Variants in PRH1 observed in about 807,000 individuals in gnomAD.
PRH1 encodes the protein proline rich protein HaeIII subfamily 1, also known as salivary acidic proline-rich phosphoprotein 1/2.
A neutral mutation model predicts 7.9 loss-of-function variants in PRH1; 7 were observed. That is an observed-to-expected ratio of 0.89 (90% CI 0.50 to 1.67). The LOEUF (loss-of-function observed/expected upper bound fraction) is 1.67, where lower values mean the gene tolerates loss of function less well. Among genes scored for constraint, PRH1 ranks in the 40% most tolerant of loss-of-function variants. The pLI is 0.00. For missense variants in PRH1, 109 were observed against 223.6 expected, an observed-to-expected ratio of 0.49 and a Z score of 3.27; for synonymous variants, 45 against 80.8, an observed-to-expected ratio of 0.56 and a Z score of 2.38.
At chr12:11,049,840 C>T (rs1271364826), upstream of PRH1, among the ~76,000 whole-genome samples, 1 of 152,156 alleles carries the variant, frequency 6.6e-6, no homozygotes, top group Non-Finnish European at 1.5e-5. Flanking sequence ...GCCAATACAC[C>T]TTAAAATCTG....
At chr12:11,006,837 T>C (rs1385616117) in intron 1 of PRH1, among the ~76,000 whole-genome samples, 2 of 152,072 alleles carry the variant, frequency 1.3e-5, no homozygotes, top group East Asian at 3.9e-4. Context: ...TTATGGAAAA[T>C]TTTCTTATTC....
At chr12:11,066,496 C>T in intron 1 of PRH1, among the ~76,000 whole-genome samples, 1 of 151,838 alleles carries the variant, frequency 6.6e-6, no homozygotes, top group Non-Finnish European at 1.5e-5. Flanking sequence ...TACTTAATTT[C>T]TAAATCTACA....
chr12:10,935,813 A>G (rs1950279114), intron 2 of PRH1, among the ~76,000 whole-genome samples: 1 of 152,188 alleles, frequency 6.6e-6, no homozygotes, highest in Non-Finnish European at 1.5e-5. Flanking sequence ...AATGTTGTCT[A>G]TATGATCCTC....
chr12:11,144,487 A>T (rs752696905), intron 1 of PRH1, among the ~76,000 whole-genome samples: 6 of 152,070 alleles, frequency 3.9e-5, no homozygotes, highest in Non-Finnish European at 7.4e-5. Context: ...AGAGGGCAAA[A>T]TGGGCTTGAA....
rs1018958549 is a variant in PRH1, at chr12:10,959,316, A to T, written c.-59+14339T>A. ...GTTCCTGTTAGGCATCCAAATGAAG[A>T]TGTCAAATAGTCTATTAGAGAAAGG... On this transcript the variant is annotated intron_variant, in intron 2 of 3. Transcript: ENST00000539853. Among the ~76,000 whole-genome samples, 10 of 130,460 alleles carry T rather than the reference A, an allele frequency of 7.7e-5. No homozygotes were observed. In the Admixed American group the frequency reaches 8.3e-4, roughly 11 times the overall value. 85.6% of individuals were successfully genotyped at this position (130,460 alleles called of 152,430 possible). A position where few individuals can be genotyped will look rare whatever the true frequency, so the allele number is the denominator to read the frequency against.
intron 1 of PRH1, among the ~76,000 whole-genome samples, chr12:11,092,921 T>C (rs1197623635): frequency 8.7e-6 from 1 of 114,882 alleles, no homozygotes; most frequent in Non-Finnish European, 2.1e-5. Context: ...CAATGATCTC[T>C]TTATGGAAAA....
intron 2 of PRH1, among the ~76,000 whole-genome samples, chr12:10,927,583 A>C (rs1950140642): frequency 6.6e-6 from 1 of 152,200 alleles, no homozygotes; most frequent in East Asian, 1.9e-4. Flanking sequence ...TTATGAGAAC[A>C]TTGTTGTCTG....
At chr12:10,895,597 G>A (rs1949633442) in intron 2 of PRH1, 1 of 152,130 alleles carries the variant, frequency 6.6e-6, no homozygotes, top group African/African-American at 2.4e-5. Flanking sequence ...AGGACAGGCA[G>A]AAATAGCTGG....
At chr12:11,168,204 A>C (rs549203280) in intron 1 of PRH1, among the ~76,000 whole-genome samples, 29 of 42,288 alleles carry the variant, frequency 6.9e-4, no homozygotes, top group African/African-American at 1.1e-3. Flanking sequence ...AAAAAACGAA[A>C]GAAAGAAAGA....
chr12:11,035,281 G>T (rs1197793150), intron 1 of PRH1, among the ~76,000 whole-genome samples: 1 of 143,362 alleles, frequency 7.0e-6, no homozygotes. Context: ...GGGAACTGCA[G>T]AAGTATGTTA....
chr12:11,154,668 T>C (rs1947200821), intron 1 of PRH1, among the ~76,000 whole-genome samples: 1 of 152,224 alleles, frequency 6.6e-6, no homozygotes, highest in East Asian at 1.9e-4. Context: ...CTGAAAAGTC[T>C]GTCTAGGCAT....
intron 1 of PRH1, among the ~76,000 whole-genome samples, chr12:11,156,243 C>T (rs1200228194): frequency 6.6e-6 from 1 of 152,024 alleles, no homozygotes; most frequent in Non-Finnish European, 1.5e-5. Context: ...GTCATTCAAA[C>T]AGTTGATCCT....
At chr12:11,047,225 C>T (rs374363459), upstream of PRH1, 13 of 329,544 alleles carry the variant, frequency 3.9e-5, no homozygotes, top group East Asian at 7.5e-4. Flanking sequence ...GAAAGAGATG[C>T]TTGAGGAGCC....
At chr12:10,944,613 C>T (rs1950457137) in intron 2 of PRH1, among the ~76,000 whole-genome samples, 1 of 152,134 alleles carries the variant, frequency 6.6e-6, no homozygotes, top group Non-Finnish European at 1.5e-5. Flanking sequence ...GAAATGGTGA[C>T]AGAGGGAATC....
intron 2 of PRH1, among the ~76,000 whole-genome samples, chr12:10,958,368 C>T (rs753936246): frequency 3.3e-5 from 5 of 151,944 alleles, no homozygotes; most frequent in African/African-American, 4.8e-5. Context: ...TACAGATGGA[C>T]ACAAAGAAGG....
At chr12:11,139,516 C>T (rs1424143813) in intron 1 of PRH1, among the ~76,000 whole-genome samples, 4 of 152,156 alleles carry the variant, frequency 2.6e-5, no homozygotes, top group African/African-American at 7.2e-5. Context: ...ATTTTTCCAT[C>T]TTGATAATTC....
At chr12:10,957,320 T>C (rs1334801171) in intron 2 of PRH1, among the ~76,000 whole-genome samples, 3 of 151,936 alleles carry the variant, frequency 2.0e-5, no homozygotes, top group African/African-American at 7.3e-5. Flanking sequence ...GAGGAGAGAC[T>C]CCCTGCTCTA....
At chr12:10,888,843 C>G (rs559597834), upstream of PRH1, among the ~76,000 whole-genome samples, 4 of 152,236 alleles carry the variant, frequency 2.6e-5, no homozygotes, top group African/African-American at 7.2e-5. Context: ...CCTTACATCC[C>G]TTTATAATTT....
chr12:11,047,122 A>G (rs927017141), exon 1 of PRH1: 8 of 455,374 alleles, frequency 1.8e-5, no homozygotes, highest in African/African-American at 4.0e-5. Flanking sequence ...AGAACTTCCA[A>G]TGTTTAAAAA....
Sources: allele counts gnomAD v4.1 joint callset (sites outside exome capture counted in the v4.1 genomes callset), GRCh38; gene constraint gnomAD v4.1.1; transcripts MANE v1.5; gene names NCBI Gene and HGNC (gene_info 2026-07-23, HGNC 2026-07-21).